Variants in FDFT1 observed in about 807,000 individuals in gnomAD.
FDFT1 encodes the protein farnesyl-diphosphate farnesyltransferase 1, also known as squalene synthase.
Under a neutral mutation model 46.8 loss-of-function variants are expected in FDFT1, and 68 were observed. The observed-to-expected ratio is 1.45, with a 90% CI of 1.19 to 1.78. The LOEUF (loss-of-function observed/expected upper bound fraction) is 1.78, where lower values mean the gene tolerates loss of function less well. FDFT1 is among the 40% of genes most tolerant of loss of function. The pLI is 0.00. For missense variants in FDFT1, 928 were observed against 524.4 expected, an observed-to-expected ratio of 1.77 and a Z score of -7.52; for synonymous variants, 351 against 185.1, an observed-to-expected ratio of 1.90 and a Z score of -7.28.
chr8:11,809,433 A>G, intron 2 of FDFT1: 2 of 1,257,422 alleles, frequency 1.6e-6, no homozygotes, highest in African/African-American at 1.5e-5. Context: ...TTCTGGGAGT[A>G]GTGGTGACAT....
At chr8:11,796,453 G>A (rs1012926853) in intron 1 of FDFT1, among the ~76,000 whole-genome samples, 6 of 152,232 alleles carry the variant, frequency 3.9e-5, no homozygotes, top group African/African-American at 1.2e-4. Flanking sequence ...TGAGGTCTGT[G>A]AAAGTAAAGA....
chr8:11,800,417 G>A (rs1222919504), upstream of FDFT1, among the ~76,000 whole-genome samples: 4 of 151,894 alleles, frequency 2.6e-5, no homozygotes, highest in Middle Eastern at 3.2e-3. Flanking sequence ...AACCTGACTC[G>A]TCCACCCCAC....
chr8:11,838,432 A>C lies in FDFT1; in HGVS notation c.1077A>C (p.Thr359=). 6.2e-7 allele frequency: 1 copy of C among 1,612,266 alleles called. No homozygotes were observed. The highest frequency in any genetic ancestry group is 8.5e-7 in the Non-Finnish European group (1 of 1,179,348). Residue 359 remains threonine (T), a synonymous_variant, in exon 8 of 8, where the codon ACA becomes ACC. Transcript: ENST00000220584. ...IPDSDPSSSK[T]RQIISTIRTQ... is the part of the protein sequence containing the mutation. ...ACTCAGACCCATCTTCTAGCAAAACAAGGCAGATCATCTCCACCATCCGGA... is the reference window on the plus strand; with the variant it reads ...ACTCAGACCCATCTTCTAGCAAAACCAGGCAGATCATCTCCACCATCCGGA...
chr8:11,809,617 A>C (rs760675204), intron 2 of FDFT1, 50 bp from the exon 3 acceptor site: 23 of 1,511,804 alleles, frequency 1.5e-5, no homozygotes, highest in Non-Finnish European at 1.6e-5. Flanking sequence ...TAAAATAAAA[A>C]ATCTTTGGCT....
At chr8:11,802,016 G>C, upstream of FDFT1, 1 of 456,050 alleles carries the variant, frequency 2.2e-6, no homozygotes, top group South Asian at 1.5e-5. Flanking sequence ...TAGGGCTGGA[G>C]AGATCTAGGA....
At chr8:11,828,710 G>C (rs1229222573) in intron 5 of FDFT1, among the ~76,000 whole-genome samples, 2 of 152,252 alleles carry the variant, frequency 1.3e-5, no homozygotes, top group Non-Finnish European at 2.9e-5. Flanking sequence ...TGAACTTCTA[G>C]CATAGAGTGC....
intron 3 of FDFT1, among the ~76,000 whole-genome samples, chr8:11,813,348 T>C (rs550710271): frequency 2.6e-5 from 4 of 152,362 alleles, no homozygotes; most frequent in East Asian, 1.9e-4. Flanking sequence ...TGTTCACTTA[T>C]TGAGCATTTT....
intron 1 of FDFT1, chr8:11,796,113 A>G (rs1805538628): frequency 6.6e-6 from 1 of 151,966 alleles, no homozygotes; most frequent in Admixed American, 6.5e-5. Flanking sequence ...TAGACATTTC[A>G]TAAATATTTC....
chr8:11,831,475 G>A (rs761714231), intron 6 of FDFT1, 43 bp from the exon 7 acceptor site: 24 of 1,580,432 alleles, frequency 1.5e-5, no homozygotes, highest in South Asian at 6.7e-5. Context: ...GATAGCTAAC[G>A]ACATCATTTC....
intron 2 of FDFT1, 47 bp from the exon 3 acceptor site, chr8:11,809,620 C>A (rs1205237376): frequency 2.0e-6 from 3 of 1,514,996 alleles, no homozygotes; most frequent in African/African-American, 1.4e-5. Flanking sequence ...AATAAAAAAT[C>A]TTTGGCTGTT....
chr8:11,837,594 C>T (rs1039706535), intron 7 of FDFT1, among the ~76,000 whole-genome samples: 1 of 152,116 alleles, frequency 6.6e-6, no homozygotes, highest in African/African-American at 2.4e-5. Context: ...TAGACAGGTG[C>T]AGTAGGTCTG....
chr8:11,837,376 T>C (rs1174627410), intron 7 of FDFT1, among the ~76,000 whole-genome samples: 1 of 152,304 alleles, frequency 6.6e-6, no homozygotes, highest in South Asian at 2.1e-4. Flanking sequence ...GGACCACAGG[T>C]GCATGCCACG....
rs530241001 is a variant in FDFT1, at chr8:11,802,765, C to G, written c.-68C>G. On this transcript the variant is annotated 5_prime_UTR_variant, in exon 1 of 8. Transcript: ENST00000220584. Reference sequence around the variant, plus strand: ...CGAAGCACCTACTCCACAGGTCCAGCCGGCCGGTGAGCGCCTGGGGACCGC... The same window carrying G: ...CGAAGCACCTACTCCACAGGTCCAGGCGGCCGGTGAGCGCCTGGGGACCGC... The G allele has an allele frequency of 7.8e-7, 1 of 1,282,914 alleles. No homozygotes were observed. The highest frequency in any genetic ancestry group is 1.5e-5 in the African/African-American group (1 of 67,728). The allele number at this position is 1,282,914 out of a possible 1,614,324, so 79.5% of individuals were successfully genotyped here.
upstream of FDFT1, chr8:11,802,261 C>T (rs1025466226): frequency 1.0e-4 from 40 of 383,186 alleles, no homozygotes; most frequent in Admixed American, 1.3e-3. Flanking sequence ...GTTTTAGGCT[C>T]TACAGAGAGC....
chr8:11,808,509 G>C (rs1304844139), intron 1 of FDFT1: 2 of 1,326,862 alleles, frequency 1.5e-6, no homozygotes, highest in Non-Finnish European at 9.6e-7. Flanking sequence ...CGCGGGGTCC[G>C]CGATTCCCAT....
At chr8:11,802,556 A>T (rs1357951184), upstream of FDFT1, 2 of 595,634 alleles carry the variant, frequency 3.4e-6, no homozygotes, top group African/African-American at 3.7e-5. Flanking sequence ...TTATCACGCC[A>T]GTCTCCTTCC....
intron 3 of FDFT1, among the ~76,000 whole-genome samples, chr8:11,813,525 A>T (rs1199293953): frequency 6.6e-6 from 1 of 152,180 alleles, no homozygotes; most frequent in African/African-American, 2.4e-5. Context: ...TTTGCCTAGG[A>T]TTACCCGTGA....
chr8:11,801,421 G>C (rs1397030961), upstream of FDFT1, among the ~76,000 whole-genome samples: 2 of 152,208 alleles, frequency 1.3e-5, no homozygotes, highest in Non-Finnish European at 2.9e-5. Flanking sequence ...CTGTGTTCAA[G>C]CGATTCTCCT....
chr8:11,821,702 G>C (rs1347767160), intron 3 of FDFT1, 48 bp from the exon 4 acceptor site: 3 of 1,603,222 alleles, frequency 1.9e-6, no homozygotes, highest in African/African-American at 1.3e-5. Flanking sequence ...TTGGTGCCAT[G>C]TCTGTACATA....
Sources: gnomAD v4.1 joint callset for allele counts (sites outside exome capture counted in the v4.1 genomes callset) on GRCh38, gnomAD v4.1.1 for gene constraint, MANE v1.5 for transcripts, NCBI Gene and HGNC (gene_info 2026-07-23, HGNC 2026-07-21) for gene names.